Variants in DENND2B observed in about 807,000 individuals in gnomAD.
DENND2B encodes DENN domain containing 2B, also known as DENN domain-containing protein 2B.
In DENND2B, 32 loss-of-function variants were observed where a neutral mutation model predicts 116.0. The observed-to-expected ratio is 0.28, with a 90% CI of 0.21 to 0.37. DENND2B has a LOEUF of 0.37. DENND2B is among the 10% of genes least tolerant of loss of function. The pLI, the probability that DENND2B is intolerant of heterozygous loss-of-function variation, is 1.00. For synonymous variants in DENND2B, 588 were observed against 583.9 expected (o/e 1.01, Z -0.10); for missense variants, 1,276 against 1,477.7 (o/e 0.86, Z 2.24).
intron 1 of DENND2B, among the ~76,000 whole-genome samples, chr11:8,766,294 C>T (rs1297010449): frequency 6.6e-6 from 1 of 151,874 alleles, no homozygotes; most frequent in Non-Finnish European, 1.5e-5. Flanking sequence ...GGTAGAATAA[C>T]CCCTCTGCCT....
Position 8,702,987 on chromosome 11 carries a change from T to G in DENND2B, c.2572-267A>C. 2 of 461,044 alleles carry G rather than the reference T, an allele frequency of 4.3e-6. No individual in the cohort carries two copies. The highest frequency in any genetic ancestry group is 3.6e-5 in the Admixed American group (1 of 27,932). The allele number at this position is 461,044 out of a possible 1,614,324, so 28.6% of individuals were successfully genotyped here. A position where few individuals can be genotyped will look rare whatever the true frequency, so the allele number is the denominator to read the frequency against. ...AAGGAAGGAGTTGAGGGGCCATCCA[T>G]CGGGACCTCAGGAAGAGAGGAGAGC... On this transcript the variant is annotated intron_variant, in intron 13 of 19. Transcript: ENST00000313726. This position sits in a 1 kb window ranked among gnomAD's most constrained non-coding sequence, Gnocchi z 4.6.
intron 4 of DENND2B, among the ~76,000 whole-genome samples, chr11:8,832,344 CG>C (rs2062241622): frequency 6.6e-6 from 1 of 150,806 alleles, no homozygotes; most frequent in African/African-American, 2.4e-5. Flanking sequence ...CCCAGCTACT[CG>C]GGAGGTTGAG....
chr11:8,846,268 A>G (rs2062809664), intron 3 of DENND2B, among the ~76,000 whole-genome samples: 2 of 152,226 alleles, frequency 1.3e-5, no homozygotes, highest in South Asian at 4.1e-4. Flanking sequence ...AAGGAGCCAG[A>G]AGAAGGCTGA....
At chr11:8,865,277 G>A (rs2063535227) in intron 2 of DENND2B, among the ~76,000 whole-genome samples, 1 of 152,048 alleles carries the variant, frequency 6.6e-6, no homozygotes, top group Non-Finnish European at 1.5e-5. Flanking sequence ...TCTTTTGATG[G>A]TAATTTTTTT....
At chr11:8,857,199 C>T (rs959458904) in intron 3 of DENND2B, 1 of 152,174 alleles carries the variant, frequency 6.6e-6, no homozygotes, top group African/African-American at 2.4e-5. Flanking sequence ...AGGTCTCCTC[C>T]TTCTTATCCC....
intron 3 of DENND2B, among the ~76,000 whole-genome samples, chr11:8,841,249 T>C (rs2062613385): frequency 6.6e-6 from 1 of 152,208 alleles, no homozygotes; most frequent in African/African-American, 2.4e-5. Context: ...TGATAATAGA[T>C]TTGAGGTTTT....
At chr11:8,770,154 C>G (rs1165345780) in intron 1 of DENND2B, among the ~76,000 whole-genome samples, 2 of 152,208 alleles carry the variant, frequency 1.3e-5, no homozygotes, top group Admixed American at 6.5e-5. Flanking sequence ...ACTACAATTA[C>G]TTTGCAAGTT....
chr11:8,718,010 G>T, intron 4 of DENND2B, 118 bp from the exon 5 acceptor site: 5 of 1,184,546 alleles, frequency 4.2e-6, no homozygotes, highest in Non-Finnish European at 5.9e-6. Flanking sequence ...CTTCTGCCTG[G>T]CCCCTCAGCT....
chr11:8,729,249 G>A (rs992812129), intron 3 of DENND2B, among the ~76,000 whole-genome samples: 2 of 152,266 alleles, frequency 1.3e-5, no homozygotes, highest in African/African-American at 2.4e-5. Flanking sequence ...AGAACAAGAC[G>A]CCTGCCAGCT....
chr11:8,850,976 T>C lies in DENND2B; in HGVS notation c.-156+6367A>G, dbSNP rs533829627. On this transcript the variant is annotated intron_variant, in intron 3 of 6. Coordinates refer to the DENND2B transcript ENST00000524757. ...CACTTATATGCCGAATCTAGAAAAGTTGAACTCATAGAAACAGAGGGTAAA... is the reference window on the plus strand; with the variant it reads ...CACTTATATGCCGAATCTAGAAAAGCTGAACTCATAGAAACAGAGGGTAAA... Among the ~76,000 whole-genome samples, 9 of 152,120 alleles carry C rather than the reference T, an allele frequency of 5.9e-5. No homozygotes were observed. The South Asian group carries it at 1.7e-3, about 28-fold the overall frequency.
chr11:8,832,268 C>A (rs542261365), intron 4 of DENND2B, among the ~76,000 whole-genome samples: 1 of 152,056 alleles, frequency 6.6e-6, no homozygotes, highest in Non-Finnish European at 1.5e-5. Context: ...CTGGCCAACA[C>A]GGTGAAACCC....
chr11:8,706,985 G>C (rs1323252142), intron 13 of DENND2B, 100 bp downstream of exon 13: 2 of 1,435,028 alleles, frequency 1.4e-6, no homozygotes, highest in African/African-American at 2.8e-5. Context: ...AGCAAGGAGG[G>C]ACCGTGCTCT....
At chr11:8,780,640 G>C (rs1309264428) in intron 1 of DENND2B, among the ~76,000 whole-genome samples, 1 of 152,192 alleles carries the variant, frequency 6.6e-6, no homozygotes, top group African/African-American at 2.4e-5. Flanking sequence ...TCGGCTCTTA[G>C]AGGCCTCTGA....
At chr11:8,728,070 T>C (rs1196780758) in intron 3 of DENND2B, among the ~76,000 whole-genome samples, 1 of 151,944 alleles carries the variant, frequency 6.6e-6, no homozygotes, top group Non-Finnish European at 1.5e-5. Context: ...AGTGGTGTGA[T>C]CATACTCGCT....
chr11:8,796,587 A>T (rs1282632270), intron 1 of DENND2B, among the ~76,000 whole-genome samples: 1 of 152,206 alleles, frequency 6.6e-6, no homozygotes, highest in African/African-American at 2.4e-5. Flanking sequence ...TTCAATTTCC[A>T]AGAAGTGAAA....
chr11:8,892,100 T>C (rs1208278657), intron 1 of DENND2B, among the ~76,000 whole-genome samples: 3 of 152,024 alleles, frequency 2.0e-5, no homozygotes, highest in Admixed American at 2.0e-4. Context: ...CTCAAAACTG[T>C]TCAACTACAT....
At chr11:8,893,427 GT>G (rs1341298496) in intron 1 of DENND2B, among the ~76,000 whole-genome samples, 2 of 152,144 alleles carry the variant, frequency 1.3e-5, no homozygotes, top group Non-Finnish European at 2.9e-5. Flanking sequence ...GAAATAAATG[GT>G]ATTCAATTAG....
chr11:8,696,368 T>C, intron 18 of DENND2B, 59 bp downstream of exon 18: 4 of 1,594,602 alleles, frequency 2.5e-6, no homozygotes, highest in Non-Finnish European at 3.4e-6. Context: ...TAGTGCCTGG[T>C]TCTTCAGCCC....
intron 3 of DENND2B, among the ~76,000 whole-genome samples, chr11:8,851,737 C>T (rs1216707952): frequency 1.3e-5 from 2 of 151,982 alleles, no homozygotes; most frequent in East Asian, 3.8e-4. Context: ...GGGGGACAAA[C>T]TAAACAATAA....
Sources: allele counts gnomAD v4.1 joint callset (sites outside exome capture counted in the v4.1 genomes callset), GRCh38; gene constraint gnomAD v4.1.1; non-coding constraint Gnocchi (gnomAD v3.1); transcripts MANE v1.5; gene names NCBI Gene and HGNC (gene_info 2026-07-23, HGNC 2026-07-21).